Variants in CDYL observed in about 807,000 individuals in gnomAD.
The protein encoded by CDYL is chromodomain Y-like protein.
CDYL carries 8 observed loss-of-function variants against 47.3 expected under a neutral mutation model. The ratio of observed to expected loss-of-function variants is 0.17; its 90% CI spans 0.10 to 0.31. CDYL has a LOEUF of 0.31. CDYL is among the 10% of genes least tolerant of loss of function. The pLI is 1.00. For missense variants in CDYL, 471 were observed against 701.4 expected (o/e 0.67, Z 3.71); for synonymous variants, 266 against 265.0 (o/e 1.00, Z -0.04).
rs1196473291 is a variant in CDYL, at chr6:4,837,405, C to G, written c.25-54308C>G. On this transcript the variant is annotated intron_variant, in intron 1 of 6. Coordinates refer to ENST00000397588, the MANE Select transcript of CDYL (RefSeq NM_004824.4). ...TTATGAAGTAAACGTCAGTGCGTTA[C>G]AATAAAGGGATCACCTGTACATTAC... 4.6e-5 allele frequency among the ~76,000 whole-genome samples: 7 copies of G among 150,874 alleles called. No individual in the cohort carries two copies. In the East Asian group the frequency reaches 1.2e-3, roughly 25 times the overall value.
intron 4 of CDYL, among the ~76,000 whole-genome samples, chr6:4,940,156 C>G (rs981021989): frequency 2.6e-5 from 4 of 152,194 alleles, no homozygotes; most frequent in Non-Finnish European, 5.9e-5. Flanking sequence ...CTTTCATCAG[C>G]TCCCTGCTCC....
chr6:4,790,627 A>G lies in CDYL; in HGVS notation c.24+13820A>G, dbSNP rs567283541. Among the ~76,000 whole-genome samples the G allele has an allele frequency of 9.3e-4, 142 of 152,360 alleles. 1 individual carries two copies. The highest frequency in any genetic ancestry group is 3.1e-3 in the African/African-American group (130 of 41,584). On this transcript the variant is annotated intron_variant, in intron 1 of 6. Coordinates refer to ENST00000397588, the MANE Select transcript of CDYL (RefSeq NM_004824.4). ...ATTTTGTAATGTAGCTTATGGAAGT[A>G]GAATAGGAAGGCTCAGCTAATTACC...
chr6:4,724,008 C>T (rs1757429439), intron 2 of CDYL, among the ~76,000 whole-genome samples: 3 of 152,194 alleles, frequency 2.0e-5, no homozygotes, highest in Admixed American at 2.0e-4. Flanking sequence ...ATCCCACATA[C>T]CTGTGCTAGT....
At chr6:4,830,035 T>G (rs1472012712) in intron 1 of CDYL, among the ~76,000 whole-genome samples, 3 of 152,260 alleles carry the variant, frequency 2.0e-5, no homozygotes, top group Non-Finnish European at 4.4e-5. Flanking sequence ...TAATTGCTGT[T>G]TTTTGGAAAT....
intron 2 of CDYL, among the ~76,000 whole-genome samples, chr6:4,728,551 G>A (rs925243682): frequency 1.3e-5 from 2 of 152,172 alleles, no homozygotes; most frequent in African/African-American, 4.8e-5. Context: ...TGAGAAATCA[G>A]TTAATTAAAC....
chr6:4,864,557 C>G (rs1027871328), intron 1 of CDYL, among the ~76,000 whole-genome samples: 1 of 152,102 alleles, frequency 6.6e-6, no homozygotes, highest in Admixed American at 6.5e-5. Context: ...AATTGTATCT[C>G]CCAGAATTCC....
intron 3 of CDYL, among the ~76,000 whole-genome samples, chr6:4,747,546 TC>T (rs1757920002): frequency 1.3e-5 from 2 of 152,202 alleles, no homozygotes; most frequent in Non-Finnish European, 2.9e-5. Flanking sequence ...GTTGAATATT[TC>T]CTTTGCTTTT....
chr6:4,822,341 AT>A (rs972408718), intron 1 of CDYL, among the ~76,000 whole-genome samples: 4 of 151,970 alleles, frequency 2.6e-5, no homozygotes, highest in Admixed American at 6.6e-5. Flanking sequence ...CGTAAATATT[AT>A]TTTGCCATAA....
chr6:4,948,593 A>C (rs1047175283), intron 5 of CDYL, among the ~76,000 whole-genome samples: 12 of 152,238 alleles, frequency 7.9e-5, no homozygotes, highest in South Asian at 6.2e-4. Flanking sequence ...ACATGAGGAG[A>C]TGGCCGTTAG....
chr6:4,829,258 C>G (rs1374583201), intron 1 of CDYL, among the ~76,000 whole-genome samples: 1 of 152,070 alleles, frequency 6.6e-6, no homozygotes, highest in Non-Finnish European at 1.5e-5. Context: ...TTGTTGAAGG[C>G]TAGAATTGGC....
At chr6:4,795,093 T>C (rs1405486101) in intron 1 of CDYL, among the ~76,000 whole-genome samples, 1 of 151,892 alleles carries the variant, frequency 6.6e-6, no homozygotes, top group African/African-American at 2.4e-5. Flanking sequence ...TCCAAAAGAG[T>C]GGATCTGTAA....
intron 2 of CDYL, among the ~76,000 whole-genome samples, chr6:4,923,229 A>G (rs1581267178): frequency 6.6e-6 from 1 of 151,844 alleles, no homozygotes; most frequent in Non-Finnish European, 1.5e-5. Flanking sequence ...TTCTCCCCCC[A>G]CCCACTACTT....
chr6:4,737,666 A>G (rs1757727513), intron 3 of CDYL, among the ~76,000 whole-genome samples: 1 of 151,480 alleles, frequency 6.6e-6, no homozygotes, highest in African/African-American at 2.4e-5. Context: ...AGGGGGGACT[A>G]CAGGCATGCA....
At position 4,933,672 on chromosome 6, in the gene CDYL, A is replaced by G. The variant is rs11969462; in HGVS notation, c.692-1843A>G. 2.8e-3 allele frequency among the ~76,000 whole-genome samples: 432 copies of G among 152,228 alleles called. 2 individuals are homozygous for G. Among genetic ancestry groups the G allele is most frequent in the African/African-American group, 7.7e-3 (321 of 41,544 alleles). Reference sequence around the variant, plus strand: ...GGTAGAGGATGGAGGTTAAAAGAAAAAGTCTTTCCTGAGTCCCTCAGAAGG... The same window carrying G: ...GGTAGAGGATGGAGGTTAAAAGAAAGAGTCTTTCCTGAGTCCCTCAGAAGG... On this transcript the variant is annotated intron_variant, in intron 2 of 6. Coordinates refer to ENST00000397588, the MANE Select transcript of CDYL (RefSeq NM_004824.4).
At chr6:4,777,488 A>G (rs1398145205) in intron 1 of CDYL, among the ~76,000 whole-genome samples, 1 of 152,184 alleles carries the variant, frequency 6.6e-6, no homozygotes, top group African/African-American at 2.4e-5. Context: ...GAGAGTTACC[A>G]ATTTGGATCT....
intron 3 of CDYL, 133 bp downstream of exon 3, chr6:4,935,904 A>C: frequency 7.2e-7 from 1 of 1,392,770 alleles, no homozygotes; most frequent in South Asian, 1.4e-5. Flanking sequence ...GCCCACCAGA[A>C]GGGAGGGAGC....
intron 1 of CDYL, among the ~76,000 whole-genome samples, chr6:4,812,234 A>G (rs1038975049): frequency 6.6e-6 from 1 of 152,134 alleles, no homozygotes; most frequent in African/African-American, 2.4e-5. Context: ...TCTAAAGATC[A>G]CTCTGTGTGG....
chr6:4,827,808 C>A (rs914677192), intron 1 of CDYL, among the ~76,000 whole-genome samples: 1 of 152,138 alleles, frequency 6.6e-6, no homozygotes, highest in Non-Finnish European at 1.5e-5. Context: ...GCATGTGCCA[C>A]CACGCCTAGC....
chr6:4,832,913 A>G (rs1381026492), intron 1 of CDYL, among the ~76,000 whole-genome samples: 10 of 151,326 alleles, frequency 6.6e-5, no homozygotes, highest in Middle Eastern at 3.4e-3. Context: ...CTGTGGGATC[A>G]GTGGTGATAT....
Sources: allele counts gnomAD v4.1 joint callset (sites outside exome capture counted in the v4.1 genomes callset), GRCh38; gene constraint gnomAD v4.1.1; transcripts MANE v1.5; gene names NCBI Gene and HGNC (gene_info 2026-07-23, HGNC 2026-07-21).